MYCBP2: variants seen among roughly 807,000 people sequenced by gnomAD.
MYCBP2 encodes the protein E3 ubiquitin-protein ligase MYCBP2.
A neutral mutation model predicts 525.3 loss-of-function variants in MYCBP2; 120 were observed. The ratio of observed to expected loss-of-function variants is 0.23; its 90% CI spans 0.20 to 0.27. The LOEUF (loss-of-function observed/expected upper bound fraction) is 0.27, where lower values mean the gene tolerates loss of function less well. MYCBP2 is among the 10% of genes least tolerant of loss of function. The pLI is 1.00. For synonymous variants in MYCBP2, 1,894 were observed against 1,955.8 expected, an observed-to-expected ratio of 0.97 and a Z score of 0.83; for missense variants, 4,149 against 5,657.1, an observed-to-expected ratio of 0.73 and a Z score of 8.55.
intron 8 of MYCBP2, among the ~76,000 whole-genome samples, chr13:77,264,925 T>A (rs1267023305): frequency 6.6e-6 from 1 of 151,954 alleles, no homozygotes; most frequent in African/African-American, 2.4e-5. Context: ...AGGATGAATC[T>A]CTCCATTAAT....
intron 82 of MYCBP2, among the ~76,000 whole-genome samples, chr13:77,046,496 A>G (rs969808074): frequency 6.6e-6 from 1 of 152,228 alleles, no homozygotes; most frequent in African/African-American, 2.4e-5. Flanking sequence ...GTTTAAAAAC[A>G]TTTCTGACAT....
At chr13:77,236,404 C>T (rs1459069961) in intron 17 of MYCBP2, among the ~76,000 whole-genome samples, 1 of 151,766 alleles carries the variant, frequency 6.6e-6, no homozygotes, top group Non-Finnish European at 1.5e-5. Context: ...TAGTACAAGC[C>T]TTTCAGAAAG....
In MYCBP2 at chr13:77,139,216, T is replaced by C; in HGVS notation, c.7639A>G (p.Ser2547Gly). The stretch of plus-strand genomic sequence containing the variant: ...CTTACGTCAACAGGGACCAGAAGAC[T>C]CTTGCCAAGATGTTGATTAAAAGAG... The part of the protein sequence containing the change: ...CLSFNQHLGK[S>G]LLVPVDESKT... The change falls in exon 52 of 83, where the codon AGT becomes GGT. Residue 2547 changes from serine to glycine, a missense_variant. By Grantham distance (56) the Ser-to-Gly change is moderately conservative. This residue lies in a region of MYCBP2 where 692 missense variants were observed against 852.7 expected (regional missense o/e 0.81). Coordinates refer to ENST00000544440, the MANE Select transcript of MYCBP2 (RefSeq NM_015057.5). 2 of 1,613,756 alleles carry C rather than the reference T, an allele frequency of 1.2e-6. No individual in the cohort carries two copies. Among genetic ancestry groups the C allele is most frequent in the Non-Finnish European group, 1.7e-6 (2 of 1,179,738 alleles).
intron 2 of MYCBP2, among the ~76,000 whole-genome samples, chr13:77,294,932 G>A (rs943763295): frequency 3.9e-5 from 6 of 152,062 alleles, no homozygotes; most frequent in African/African-American, 1.2e-4. Context: ...AAAGTATCCC[G>A]TATCTCCGTG....
At chr13:77,289,728 G>T (rs1393414602) in intron 2 of MYCBP2, among the ~76,000 whole-genome samples, 2 of 151,692 alleles carry the variant, frequency 1.3e-5, no homozygotes, top group Non-Finnish European at 2.9e-5. Context: ...AAGGGAAAAA[G>T]GCAAGAAGTA....
intron 1 of MYCBP2, among the ~76,000 whole-genome samples, chr13:77,315,299 A>G (rs999484796): frequency 6.6e-6 from 1 of 152,204 alleles, no homozygotes; most frequent in Non-Finnish European, 1.5e-5. Context: ...AACTCACTTT[A>G]TGAGACGAGG....
intron 8 of MYCBP2, 59 bp from the exon 9 acceptor site, chr13:77,264,061 T>G: frequency 1.4e-6 from 2 of 1,408,520 alleles, no homozygotes; most frequent in South Asian, 1.2e-5. Context: ...CAAAATGAAT[T>G]TACTCCTCTG....
chr13:77,097,292 C>A, intron 56 of MYCBP2, 78 bp downstream of exon 56: 1 of 1,516,374 alleles, frequency 6.6e-7, no homozygotes, highest in Non-Finnish European at 8.8e-7. Context: ...TGACAAAATT[C>A]ATAGAACAGC....
chr13:77,091,613 A>G (rs1321315105), intron 59 of MYCBP2, among the ~76,000 whole-genome samples: 1 of 152,164 alleles, frequency 6.6e-6, no homozygotes, highest in Non-Finnish European at 1.5e-5. Context: ...ATGCCCACTC[A>G]ACTAGCCCAG....
intron 52 of MYCBP2, among the ~76,000 whole-genome samples, chr13:77,131,487 AACACACACAC>A (rs369448891): frequency 7.3e-6 from 1 of 136,126 alleles, no homozygotes; most frequent in African/African-American, 2.7e-5. Context: ...CTTCATCTCA[AACACACACAC>A]ACACACACAC....
At chr13:77,259,602 C>G (rs974088280) in intron 13 of MYCBP2, among the ~76,000 whole-genome samples, 1 of 152,174 alleles carries the variant, frequency 6.6e-6, no homozygotes, top group African/African-American at 2.4e-5. Flanking sequence ...CAACATTAAG[C>G]CAGTTCACTT....
At chr13:77,117,347 T>C (rs756803450) in intron 55 of MYCBP2, among the ~76,000 whole-genome samples, 1 of 152,064 alleles carries the variant, frequency 6.6e-6, no homozygotes, top group Non-Finnish European at 1.5e-5. Context: ...TAAACTTTCC[T>C]AATGGATAGT....
intron 62 of MYCBP2, among the ~76,000 whole-genome samples, chr13:77,084,828 A>G (rs1453783345): frequency 6.6e-6 from 1 of 151,994 alleles, no homozygotes; most frequent in Non-Finnish European, 1.5e-5. Context: ...TTATGCAAAA[A>G]TTTTAGACTC....
In MYCBP2 at chr13:77,087,509, T is replaced by C; in HGVS notation, c.10850A>G (p.Lys3617Arg). The change falls in exon 62 of 83, where the codon AAA becomes AGA. Residue 3617 changes from lysine to arginine, a missense_variant. Around this residue, in one of 21 missense-constraint regions of MYCBP2, gnomAD observed 509 missense variants for 789.4 expected, o/e 0.64. Coordinates refer to ENST00000544440, the MANE Select transcript of MYCBP2 (RefSeq NM_015057.5). ...EPEEEEDEENKTSKENSEQEK... is the reference protein window; with the variant it reads ...EPEEEEDEENRTSKENSEQEK... ...TTGTTCTGAATTTTCTTTGCTTGTT[T>C]TATTTTCTTCATCCTCTTCTTCCTC... The C allele has an allele frequency of 6.2e-7, 1 of 1,612,176 alleles. No individual in the cohort carries two copies. The highest frequency in any genetic ancestry group is 8.5e-7 in the Non-Finnish European group (1 of 1,179,030).
intron 13 of MYCBP2, among the ~76,000 whole-genome samples, chr13:77,258,603 T>G (rs1442719391): frequency 6.6e-6 from 1 of 152,222 alleles, no homozygotes; most frequent in Non-Finnish European, 1.5e-5. Flanking sequence ...TATCACTACC[T>G]TAAGGTGGCC....
chr13:77,313,583 G>A (rs967393062), intron 1 of MYCBP2, among the ~76,000 whole-genome samples: 1 of 151,702 alleles, frequency 6.6e-6, no homozygotes. Context: ...ACAACACCAA[G>A]GTACAATCCA....
At chr13:77,137,328 G>GTA (rs2053909948) in intron 52 of MYCBP2, among the ~76,000 whole-genome samples, 1 of 152,174 alleles carries the variant, frequency 6.6e-6, no homozygotes, top group Non-Finnish European at 1.5e-5. Flanking sequence ...ATCTGTGTGA[G>GTA]TATCTTTCTC....
chr13:77,321,410 T>C (rs570578896), intron 1 of MYCBP2, among the ~76,000 whole-genome samples: 3 of 152,344 alleles, frequency 2.0e-5, no homozygotes, highest in Admixed American at 2.0e-4. Context: ...TATGCACAAA[T>C]ACAGATGTAC....
chr13:77,066,807 G>C (rs2154079306), intron 71 of MYCBP2, among the ~76,000 whole-genome samples: 1 of 152,266 alleles, frequency 6.6e-6, no homozygotes, highest in South Asian at 2.1e-4. Flanking sequence ...TCTCTGATTA[G>C]TAGTGAGGTG....
Sources: gnomAD v4.1 joint callset for allele counts (sites outside exome capture counted in the v4.1 genomes callset) on GRCh38, gnomAD v4.1.1 for gene constraint, gnomAD v4.1.1 regional missense constraint, MANE v1.5 for transcripts, NCBI Gene and HGNC (gene_info 2026-07-23, HGNC 2026-07-21) for gene names.